Variants in DENND5B observed in about 807,000 individuals in gnomAD.
The protein encoded by DENND5B is DENN domain containing 5B, also known as DENN domain-containing protein 5B.
In DENND5B, 34 loss-of-function variants were observed where a neutral mutation model predicts 140.6. The observed-to-expected ratio is 0.24, with a 90% CI of 0.18 to 0.32. The LOEUF is 0.32. Among genes scored for constraint, DENND5B ranks in the 10% least tolerant of loss-of-function variants. The pLI is 1.00. For synonymous variants in DENND5B, 551 were observed against 562.1 expected (o/e 0.98, Z 0.28); for missense variants, 1,142 against 1,560.2 (o/e 0.73, Z 4.52).
In DENND5B at chr12:31,586,770, T is replaced by C. The variant is rs144618662; in HGVS notation, c.127+3936A>G. On this transcript the variant is annotated intron_variant, in intron 1 of 20. Coordinates refer to ENST00000389082, the MANE Select transcript of DENND5B (RefSeq NM_144973.4). ...AGCAACTGGTAGAATTTATGTTTAATAGAAGTCAATTAAGACCTTCTAGAG... is the reference window on the plus strand; with the variant it reads ...AGCAACTGGTAGAATTTATGTTTAACAGAAGTCAATTAAGACCTTCTAGAG... Among the ~76,000 whole-genome samples the C allele has an allele frequency of 3.3e-5, 5 of 152,314 alleles. No homozygotes were observed. In the East Asian group the frequency reaches 5.8e-4, roughly 18 times the overall value.
chr12:31,425,333 T>TA (rs1943185074), intron 9 of DENND5B, among the ~76,000 whole-genome samples: 1 of 152,124 alleles, frequency 6.6e-6, no homozygotes, highest in African/African-American at 2.4e-5. Flanking sequence ...CAAGAAACAA[T>TA]AAAAAAAGAA....
At chr12:31,537,958 C>T (rs761315999) in intron 1 of DENND5B, among the ~76,000 whole-genome samples, 1 of 152,122 alleles carries the variant, frequency 6.6e-6, no homozygotes, top group Admixed American at 6.5e-5. Flanking sequence ...TGTATATGGA[C>T]CCAACACTGG....
chr12:31,526,201 CAAG>C (rs1948079315), intron 1 of DENND5B, among the ~76,000 whole-genome samples: 1 of 152,094 alleles, frequency 6.6e-6, no homozygotes, highest in South Asian at 2.1e-4. Context: ...TCCCCCTTCA[CAAG>C]GAGGAATTCG....
At chr12:31,459,164 T>C (rs972259094) in intron 4 of DENND5B, among the ~76,000 whole-genome samples, 2 of 151,720 alleles carry the variant, frequency 1.3e-5, no homozygotes, top group African/African-American at 4.9e-5. Flanking sequence ...GATCCCGCCA[T>C]TGCACTCCAG....
intron 1 of DENND5B, among the ~76,000 whole-genome samples, chr12:31,537,984 T>C (rs1182069781): frequency 6.6e-6 from 1 of 152,144 alleles, no homozygotes; most frequent in Admixed American, 6.5e-5. Flanking sequence ...TATACCAGTG[T>C]TGGAGCACCC....
chr12:31,437,801 G>T (rs1943845829), intron 7 of DENND5B, among the ~76,000 whole-genome samples: 1 of 152,108 alleles, frequency 6.6e-6, no homozygotes, highest in Non-Finnish European at 1.5e-5. Context: ...TAATGATACA[G>T]TAATAAAAAA....
At chr12:31,484,370 G>C (rs1357110388) in intron 2 of DENND5B, among the ~76,000 whole-genome samples, 1 of 152,070 alleles carries the variant, frequency 6.6e-6, no homozygotes, top group Non-Finnish European at 1.5e-5. Flanking sequence ...CACTGAAGCT[G>C]ACCCTCTTCA....
At chr12:31,506,621 C>A (rs1591946649) in intron 1 of DENND5B, among the ~76,000 whole-genome samples, 1 of 152,194 alleles carries the variant, frequency 6.6e-6, no homozygotes, top group Admixed American at 6.5e-5. Context: ...GCTACCTGCA[C>A]TTCTAACAGA....
At chr12:31,401,034 G>T (rs1312970210) in intron 15 of DENND5B, among the ~76,000 whole-genome samples, 2 of 151,724 alleles carry the variant, frequency 1.3e-5, no homozygotes, top group East Asian at 3.9e-4. Context: ...GTAGAGAGGG[G>T]GTTTCTTCAT....
At position 31,480,251 on chromosome 12, in the gene DENND5B, C is replaced by A; in HGVS notation, c.242G>T (p.Cys81Phe). 3 of 1,518,522 alleles carry A rather than the reference C, an allele frequency of 2.0e-6. No homozygotes were observed. Among genetic ancestry groups the A allele is most frequent in the Non-Finnish European group, 1.8e-6 (2 of 1,137,246 alleles). 94.1% of individuals were successfully genotyped at this position (1,518,522 alleles called of 1,614,324 possible). Residue 81 changes from cysteine (C) to phenylalanine (F), a missense_variant, in exon 3 of 21, where the codon TGC becomes TTC. Physicochemically the swap from Cys to Phe is radical, Grantham distance 205. Transcript: ENST00000389082. ...PFDQDAVNML[C>F]MPKGLSFRTQ... is the part of the protein sequence containing the mutation. The stretch of plus-strand genomic sequence containing the variant: ...CCTGAAAGATAGCCCTTTAGGCATG[C>A]ACAACTGTGAAAGAAAGAAAAAAAA...
chr12:31,523,296 CA>C (rs1346368929), intron 1 of DENND5B, among the ~76,000 whole-genome samples: 1 of 152,112 alleles, frequency 6.6e-6, no homozygotes, highest in East Asian at 1.9e-4. Flanking sequence ...CTCCTGGCCT[CA>C]AGTGATCCGC....
At chr12:31,415,059 G>A (rs1942657616) in intron 12 of DENND5B, among the ~76,000 whole-genome samples, 1 of 152,024 alleles carries the variant, frequency 6.6e-6, no homozygotes, top group African/African-American at 2.4e-5. Context: ...AGGCTGCAGG[G>A]AGTGGTGATT....
At chr12:31,511,920 CCT>C (rs1491349235) in intron 1 of DENND5B, among the ~76,000 whole-genome samples, 1 of 73,744 alleles carries the variant, frequency 1.4e-5, no homozygotes, top group African/African-American at 5.5e-5. Context: ...CCTCCACTGC[CCT>C]TTTTTTTTTT....
chr12:31,535,504 C>T (rs1196933255), intron 1 of DENND5B, among the ~76,000 whole-genome samples: 1 of 152,170 alleles, frequency 6.6e-6, no homozygotes, highest in African/African-American at 2.4e-5. Context: ...ACCAGAGTCT[C>T]TGCCTGGTAA....
At chr12:31,534,930 T>A (rs1948427840) in intron 1 of DENND5B, 1 of 322,578 alleles carries the variant, frequency 3.1e-6, no homozygotes, top group Admixed American at 4.4e-5. Flanking sequence ...TTTGATTAAC[T>A]GGGTGTGGCG....
At chr12:31,417,059 G>GAA (rs538506643) in intron 11 of DENND5B, among the ~76,000 whole-genome samples, 46 of 97,052 alleles carry the variant, frequency 4.7e-4, no homozygotes, top group East Asian at 6.6e-4. Context: ...GACTGTCTCT[G>GAA]AAAAAAAAAA....
rs538085182 is a variant in DENND5B, at chr12:31,498,904, TG to T, written c.128-2986del. On this transcript the variant is annotated intron_variant, in intron 1 of 20. Transcript: ENST00000389082. ...AGGAGAATCAGTTGAACCCGGGAGG[TG>T]GGGGTTGCAGTGAGCCAAGATCACA... Among the ~76,000 whole-genome samples, 1,215 of 126,876 alleles carry T rather than the reference TG, an allele frequency of 9.6e-3. 12 individuals are homozygous for T. Among genetic ancestry groups the T allele is most frequent in the African/African-American group, 0.034 (1,110 of 33,060 alleles). The allele number at this position is 126,876 out of a possible 152,430, so 83.2% of individuals were successfully genotyped here.
intron 13 of DENND5B, among the ~76,000 whole-genome samples, chr12:31,411,667 A>T (rs1409831415): frequency 6.6e-6 from 1 of 152,062 alleles, no homozygotes; most frequent in African/African-American, 2.4e-5. Flanking sequence ...ATTGGAAAAA[A>T]AAACCACGCC....
chr12:31,501,948 T>C (rs2138834075), intron 1 of DENND5B, among the ~76,000 whole-genome samples: 1 of 152,238 alleles, frequency 6.6e-6, no homozygotes, highest in East Asian at 1.9e-4. Flanking sequence ...CCATTCTCAA[T>C]TTTTCTGCAA....
Sources: allele counts gnomAD v4.1 joint callset (sites outside exome capture counted in the v4.1 genomes callset), GRCh38; gene constraint gnomAD v4.1.1; transcripts MANE v1.5; gene names NCBI Gene and HGNC (gene_info 2026-07-23, HGNC 2026-07-21).